The following CRIP3 variants were observed in gnomAD, a reference collection of about 807,000 sequenced individuals.
CRIP3 encodes the protein cysteine-rich protein 3.
CRIP3 carries 23 observed loss-of-function variants against 30.3 expected under a neutral mutation model. The ratio of observed to expected loss-of-function variants is 0.76; its 90% CI spans 0.55 to 1.08. The LOEUF (loss-of-function observed/expected upper bound fraction) is 1.08. CRIP3 is among the 50% of genes least tolerant of loss of function. The pLI is 0.00. For missense variants in CRIP3, 261 were observed against 259.3 expected (o/e 1.01, Z -0.04); for synonymous variants, 89 against 97.6 (o/e 0.91, Z 0.52).
In CRIP3 at chr6:43,305,766, G is replaced by A. The variant is rs556539517; in HGVS notation, c.*48C>T. ...TTTTGTAGCTTCCATTGGACCATGA[G>A]GGGCATGATGGGAGGCCTGAGTTAG... On this transcript the variant is annotated 3_prime_UTR_variant, in exon 8 of 8. Coordinates refer to ENST00000372569, the MANE Select transcript of CRIP3 (RefSeq NM_206922.3). 1.3e-4 allele frequency: 217 copies of A among 1,608,124 alleles called. 2 individuals carry two copies. The South Asian group carries it at 2.3e-3, about 17-fold the overall frequency.
intron 1 of CRIP3, 40 bp from the exon 2 acceptor site, chr6:43,308,449 T>G (rs746681243): frequency 1.3e-6 from 2 of 1,565,270 alleles, no homozygotes; most frequent in African/African-American, 2.7e-5. Context: ...GAGGAGCCTG[T>G]CCAAGCATAG....
chr6:43,308,341 T>C lies in CRIP3; in HGVS notation c.112A>G (p.Ile38Val). The change falls in exon 2 of 8, where the codon ATC becomes GTC. Residue 38 changes from isoleucine to valine, a missense_variant. Physicochemically the swap from Ile to Val is conservative, Grantham distance 29. Coordinates refer to ENST00000372569, the MANE Select transcript of CRIP3 (RefSeq NM_206922.3). ...TCTGCATGCCCGCCAGGGGACAGGA[T>C]GCTGTGGCAGCGCTCACATTTCAGG... ...FCLKCERCHS[I>V]LSPGGHAEHN... 2 of 1,612,776 alleles carry C rather than the reference T, an allele frequency of 1.2e-6. No individual in the cohort carries two copies. The highest frequency in any genetic ancestry group is 1.7e-6 in the Non-Finnish European group (2 of 1,179,620).
In CRIP3 at chr6:43,305,647, T is replaced by G; in HGVS notation, c.*167A>C. On this transcript the variant is annotated 3_prime_UTR_variant, in exon 8 of 8. Transcript: ENST00000372569. ...AGATAGAAATGGGAAAGGGAAAAAA[T>G]TGGCAGAGAAAGTCTAGACTCTCTG... 1.2e-6 allele frequency: 1 copy of G among 821,738 alleles called. No homozygotes were observed. The highest frequency in any genetic ancestry group is 1.5e-5 in the South Asian group (1 of 64,708). 50.9% of individuals were successfully genotyped at this position (821,738 alleles called of 1,614,324 possible).
At chr6:43,308,278 G>C in intron 2 of CRIP3, 37 bp downstream of exon 2, 3 of 1,522,914 alleles carry the variant, frequency 2.0e-6, no homozygotes, top group Non-Finnish European at 2.7e-6. Flanking sequence ...GGGAGGCAGT[G>C]ATGTAAACAG....
chr6:43,308,041 C>A, intron 2 of CRIP3, 145 bp from the exon 3 acceptor site: 1 of 866,450 alleles, frequency 1.2e-6, no homozygotes. Flanking sequence ...GGCTGGCATG[C>A]CAGCATTTCC....
rs750395224 is a variant in CRIP3, at chr6:43,306,455, C to T, written c.391G>A (p.Val131Ile). ...TTCCACTGTTACTTACCAAAATAGACGGGCTCCCCACAGCCAGGGCACAGC... is the reference window on the plus strand; with the variant it reads ...TTCCACTGTTACTTACCAAAATAGATGGGCTCCCCACAGCCAGGGCACAGC... ...TSLCPGCGEP[V>I]YFAEKVMSLG... The change falls in exon 5 of 8, where the codon GTC becomes ATC. Residue 131 changes from valine (V) to isoleucine (I), a missense_variant. Coordinates refer to ENST00000372569, the MANE Select transcript of CRIP3 (RefSeq NM_206922.3). 1.1e-5 allele frequency: 17 copies of T among 1,602,418 alleles called. No individual in the cohort carries two copies. The highest frequency in any genetic ancestry group is 9.9e-5 in the South Asian group (9 of 90,816).
At chr6:43,308,027 G>T in intron 2 of CRIP3, 131 bp from the exon 3 acceptor site, 1 of 993,788 alleles carries the variant, frequency 1.0e-6, no homozygotes. Context: ...AGGGGTGGGG[G>T]ATGGGCTGGC....
chr6:43,306,675 CCT>C, intron 4 of CRIP3, 158 bp from the exon 5 acceptor site: 1 of 617,612 alleles, frequency 1.6e-6, no homozygotes, highest in East Asian at 2.8e-5. Context: ...AGCTGAGCCC[CCT>C]CTGACTCCAC....
At position 43,305,503 on chromosome 6, in the gene CRIP3, G is replaced by A. The variant is rs1778905463; in HGVS notation, c.*311C>T. The stretch of plus-strand genomic sequence containing the variant: ...CCAACATTTTATTGAAGAAGCCACA[G>A]AGGCTGAAATTCAATAAACACAAGT... On this transcript the variant is annotated 3_prime_UTR_variant, in exon 8 of 8. Transcript: ENST00000372569. 2.4e-6 allele frequency: 1 copy of A among 421,222 alleles called. No individual in the cohort carries two copies. Among genetic ancestry groups the A allele is most frequent in the East Asian group, 5.4e-5 (1 of 18,612 alleles). 26.1% of individuals were successfully genotyped at this position (421,222 alleles called of 1,614,324 possible). A position where few individuals can be genotyped will look rare whatever the true frequency, so the allele number is the denominator to read the frequency against.
intron 1 of CRIP3, 158 bp from the exon 2 acceptor site, chr6:43,308,567 C>G (rs1214098931): frequency 3.2e-6 from 3 of 923,562 alleles, no homozygotes; most frequent in Admixed American, 4.5e-5. Context: ...CGGTTTCACA[C>G]TCCCCACAGA....
At chr6:43,306,699 T>C (rs1778941934) in intron 4 of CRIP3, 182 bp from the exon 5 acceptor site, 3 of 598,538 alleles carry the variant, frequency 5.0e-6, no homozygotes, top group South Asian at 2.1e-5. Flanking sequence ...TCCTGCCCCA[T>C]CCCTATGTGT....
At position 43,308,773 on chromosome 6, in the gene CRIP3, C is replaced by G. The variant is rs1336670754; in HGVS notation, c.20G>C (p.Arg7Pro). 1 of 1,614,112 alleles carries G rather than the reference C, an allele frequency of 6.2e-7. No individual in the cohort carries two copies. The highest frequency in any genetic ancestry group is 1.1e-5 in the South Asian group (1 of 91,082). Residue 7 changes from arginine to proline, a missense_variant, in exon 1 of 8, where the codon CGT becomes CCT. Arg to Pro is a moderately radical substitution (Grantham distance 103). Transcript: ENST00000372569. MSWTCP[R>P]CQQPVFFAEK... ...ACCGAAGAAAACAGGTTGCTGGCAA[C>G]GCGGACAGGTCCAGCTCATAGCTCC...
At position 43,308,804 on chromosome 6, in the gene CRIP3, A is replaced by G; in HGVS notation, c.-12T>C. The G allele has an allele frequency of 6.2e-7, 1 of 1,613,914 alleles. No homozygotes were observed. Among genetic ancestry groups the G allele is most frequent in the Non-Finnish European group, 8.5e-7 (1 of 1,180,000 alleles). On this transcript the variant is annotated 5_prime_UTR_variant, in exon 1 of 8. Coordinates refer to ENST00000372569, the MANE Select transcript of CRIP3 (RefSeq NM_206922.3). ...CAGGTCCAGCTCATAGCTCCGCTCCAGGCAGCGCACGCGGCACACAGTAGG... is the reference window on the plus strand; with the variant it reads ...CAGGTCCAGCTCATAGCTCCGCTCCGGGCAGCGCACGCGGCACACAGTAGG...
At position 43,307,901 on chromosome 6, in the gene CRIP3, G is replaced by T; in HGVS notation, c.139-5C>A. On this transcript the variant is annotated splice_polypyrimidine_tract_variant and splice_region_variant and intron_variant, in intron 2 of 7. Coordinates refer to ENST00000372569, the MANE Select transcript of CRIP3 (RefSeq NM_206922.3). The stretch of plus-strand genomic sequence containing the variant: ...GCAGTATGGCCTCCCATTGTGCTGG[G>T]CACAAGCAGAGGGAAGTGGGTTACT... 1 of 1,613,474 alleles carries T rather than the reference G, an allele frequency of 6.2e-7. No homozygotes were observed. The highest frequency in any genetic ancestry group is 8.5e-7 in the Non-Finnish European group (1 of 1,179,958).
In CRIP3 at chr6:43,305,598, T is replaced by C; in HGVS notation, c.*216A>G. On this transcript the variant is annotated 3_prime_UTR_variant, in exon 8 of 8. Transcript: ENST00000372569. ...TGTGATGGCCAGGAGGAGGATACCC[T>C]TCAAAACGGGCTGTTCCCTAACCAG... The C allele has an allele frequency of 3.2e-6, 2 of 621,238 alleles. No individual in the cohort carries two copies. The highest frequency in any genetic ancestry group is 2.9e-5 in the Admixed American group (1 of 34,204). The allele number at this position is 621,238 out of a possible 1,614,324, so 38.5% of individuals were successfully genotyped here.
chr6:43,307,545 C>T, intron 4 of CRIP3, 67 bp downstream of exon 4: 1 of 1,369,808 alleles, frequency 7.3e-7, no homozygotes, highest in Non-Finnish European at 9.5e-7. Flanking sequence ...TGCCACCTGG[C>T]CCAACCTCCG....
rs1778924540 is a variant in CRIP3 at position 43,306,090 on chromosome 6, T to C, written c.530A>G (p.Tyr177Cys). The change falls in exon 7 of 8, where the codon TAC (tyrosine) becomes TGC (cysteine). Residue 177 changes from tyrosine (Y) to cysteine (C), a missense_variant. By Grantham distance (194) the Tyr-to-Cys change is radical. Transcript: ENST00000372569. ...ACCTTTGGGGCCAAACAGGTAGCCG[T>C]AGCAGGGGACGTGGCAGTAGGGGAC... Reference protein sequence around the residue: ...DGVPYCHVPCYGYLFGPKGVN... With the variant: ...DGVPYCHVPCCGYLFGPKGVN... 4 of 1,613,746 alleles carry C rather than the reference T, an allele frequency of 2.5e-6. No homozygotes were observed. The highest frequency in any genetic ancestry group is 3.4e-6 in the Non-Finnish European group (4 of 1,179,904).
Position 43,308,799 on chromosome 6 carries a change from G to C in CRIP3, c.-7C>G. 6.2e-7 allele frequency: 1 copy of C among 1,613,938 alleles called. No homozygotes were observed. Among genetic ancestry groups the C allele is most frequent in the Non-Finnish European group, 8.5e-7 (1 of 1,179,996 alleles). ...GCGGACAGGTCCAGCTCATAGCTCC[G>C]CTCCAGGCAGCGCACGCGGCACACA... On this transcript the variant is annotated 5_prime_UTR_variant, in exon 1 of 8. Transcript: ENST00000372569.
At chr6:43,307,590 G>C in intron 4 of CRIP3, 22 bp downstream of exon 4, 3 of 1,437,492 alleles carry the variant, frequency 2.1e-6, no homozygotes, top group Non-Finnish European at 2.8e-6. Context: ...GGAGGACTGG[G>C]AGGAGCTGAG....
Sources: allele counts gnomAD v4.1 joint callset, GRCh38; gene constraint gnomAD v4.1.1; transcripts MANE v1.5; gene names NCBI Gene and HGNC (gene_info 2026-07-23, HGNC 2026-07-21).